Variants in SCNN1B observed in about 807,000 individuals in gnomAD.
SCNN1B encodes epithelial sodium channel subunit beta.
Under a neutral mutation model 65.3 loss-of-function variants are expected in SCNN1B, and 46 were observed. The ratio of observed to expected loss-of-function variants is 0.70; its 90% confidence interval spans 0.56 to 0.90. The LOEUF (loss-of-function observed/expected upper bound fraction) is 0.90. SCNN1B is among the 40% of genes least tolerant of loss of function. The pLI is 0.00. For missense variants in SCNN1B, 751 were observed against 830.5 expected (o/e 0.90, Z 1.18); for synonymous variants, 349 against 330.6 (o/e 1.06, Z -0.60).
At chr16:23,378,248 G>A (rs564551510) in intron 10 of SCNN1B, among the ~76,000 whole-genome samples, 16 of 152,268 alleles carry the variant, frequency 1.1e-4, no homozygotes, top group African/African-American at 3.4e-4. Context: ...GGCCTTAAGC[G>A]ATCCTCCCAC....
At position 23,380,782 on chromosome 16, in the gene SCNN1B, G is replaced by A. The variant is rs13306629; in HGVS notation, c.1904G>A (p.Ser635Asn). ...CCGCTGGACGTCATCGAGTCTGACAGTGAGGGTGATGCCATCTAACCCTGC... is the reference window on the plus strand; with the variant it reads ...CCGCTGGACGTCATCGAGTCTGACAATGAGGGTGATGCCATCTAACCCTGC... The part of the protein sequence containing the change: ...LQPLDVIESD[S>N]EGDAI Residue 635 changes from serine to asparagine, a missense_variant, in exon 13 of 13, where the codon AGT (serine) becomes AAT (asparagine). Transcript: ENST00000343070. The surrounding 1 kb of genome is among the most constrained non-coding windows in gnomAD (Gnocchi z 5.4). 87 of 1,612,376 alleles carry A rather than the reference G, an allele frequency of 5.4e-5. No individual in the cohort carries two copies. The East Asian group carries it at 6.7e-4, about 12-fold the overall frequency.
At chr16:23,293,250 T>G (rs1960952745) in intron 2 of SCNN1B, among the ~76,000 whole-genome samples, 1 of 150,180 alleles carries the variant, frequency 6.7e-6, no homozygotes, top group African/African-American at 2.5e-5. Flanking sequence ...CGCCAAAAAG[T>G]GGAAACAAAC....
At position 23,355,450 on chromosome 16, in the gene SCNN1B, T is replaced by C; in HGVS notation, c.737T>C (p.Ile246Thr). The change falls in exon 4 of 13, where the codon ATC becomes ACC. Residue 246 changes from isoleucine to threonine, a missense_variant. By Grantham distance (89) the Ile-to-Thr change is moderately conservative. Coordinates refer to ENST00000343070, the MANE Select transcript of SCNN1B (RefSeq NM_000336.3). ...ATGAGCTACCCCGGCGAGCAGATGA[T>C]CCTGGCCTGCCTATTCGGAGCTGAG... ...VEMSYPGEQMILACLFGAEPC... is the reference protein window; with the variant it reads ...VEMSYPGEQMTLACLFGAEPC... 1 of 1,614,150 alleles carries C rather than the reference T, an allele frequency of 6.2e-7. No individual in the cohort carries two copies.
intron 10 of SCNN1B, among the ~76,000 whole-genome samples, chr16:23,378,394 G>A (rs112654688): frequency 6.6e-6 from 1 of 152,228 alleles, no homozygotes. Flanking sequence ...GGCAGAGGCT[G>A]AGCCATCATG....
rs575396832 is a variant in SCNN1B at position 23,295,763 on chromosome 16, A to G, written n.178+11959A>G. Among the ~76,000 whole-genome samples the G allele has an allele frequency of 3.3e-5, 5 of 152,298 alleles. No individual in the cohort carries two copies. The South Asian group carries it at 8.3e-4, about 25-fold the overall frequency. The stretch of plus-strand genomic sequence containing the variant: ...TGCACGTTTAGGAAGTTCTTAGGGT[A>G]GTACAGTGTTAGAGCCTTTTAAAGT... On this transcript the variant is annotated intron_variant and non_coding_transcript_variant, in intron 2 of 3. Coordinates refer to the SCNN1B transcript ENST00000569789.
intron 1 of SCNN1B, among the ~76,000 whole-genome samples, chr16:23,303,603 GAAAATATGT>G (rs1961130593): frequency 6.6e-6 from 1 of 152,186 alleles, no homozygotes; most frequent in African/African-American, 2.4e-5. Context: ...CAGAGCCATA[GAAAATATGT>G]AAAATACTTA....
chr16:23,301,359 C>CGAAA (rs1961078073), upstream of SCNN1B, among the ~76,000 whole-genome samples: 1 of 120,414 alleles, frequency 8.3e-6, no homozygotes, highest in African/African-American at 3.7e-5. Flanking sequence ...GAGACTCTGT[C>CGAAA]AAAAAAAAAA....
At chr16:23,316,668 C>T (rs1029178373) in intron 1 of SCNN1B, among the ~76,000 whole-genome samples, 1 of 149,368 alleles carries the variant, frequency 6.7e-6, no homozygotes, top group African/African-American at 2.5e-5. Context: ...ACCATCCTCA[C>T]CATCATCACC....
In SCNN1B at chr16:23,289,694, G is replaced by A. The variant is rs1011885798; in HGVS notation, n.178+5890G>A. Reference sequence around the variant, plus strand: ...TTAACTTTTTTTTTTTTTTTTTTTTGAGGCAGAGTCTCACTCTGTCACTTA... The same window carrying A: ...TTAACTTTTTTTTTTTTTTTTTTTTAAGGCAGAGTCTCACTCTGTCACTTA... On this transcript the variant is annotated intron_variant and non_coding_transcript_variant, in intron 2 of 3. Transcript: ENST00000569789. 9.0e-3 allele frequency among the ~76,000 whole-genome samples: 361 copies of A among 40,136 alleles called. 2 individuals carry two copies. The highest frequency in any genetic ancestry group is 0.037 in the African/African-American group (352 of 9,582). The allele number at this position is 40,136 out of a possible 152,430, so 26.3% of individuals were successfully genotyped here.
At chr16:23,364,934 T>C (rs375204916) in intron 4 of SCNN1B, among the ~76,000 whole-genome samples, 31 of 152,278 alleles carry the variant, frequency 2.0e-4, no homozygotes, top group African/African-American at 7.5e-4. Flanking sequence ...GAGACCAGCC[T>C]GGCCAACATG....
At chr16:23,314,553 C>T (rs1961410714) in intron 1 of SCNN1B, among the ~76,000 whole-genome samples, 1 of 152,156 alleles carries the variant, frequency 6.6e-6, no homozygotes, top group Admixed American at 6.5e-5. Context: ...GTAGATCCCA[C>T]TCTGTTCACC....
chr16:23,294,612 A>G (rs1042826689), intron 2 of SCNN1B, among the ~76,000 whole-genome samples: 1 of 151,992 alleles, frequency 6.6e-6, no homozygotes, highest in African/African-American at 2.4e-5. Flanking sequence ...CTGCCTGTAC[A>G]TTCTTCTTCC....
intron 2 of SCNN1B, among the ~76,000 whole-genome samples, chr16:23,287,029 A>T (rs1960860647): frequency 7.0e-6 from 1 of 142,614 alleles, no homozygotes. Context: ...TTTGAGACAG[A>T]GTTTTGCTCT....
At chr16:23,315,112 G>A (rs750677582) in intron 1 of SCNN1B, among the ~76,000 whole-genome samples, 15 of 152,192 alleles carry the variant, frequency 9.9e-5, no homozygotes, top group East Asian at 1.9e-4. Context: ...CAAGGCGGGC[G>A]GATCACCTGA....
intron 7 of SCNN1B, among the ~76,000 whole-genome samples, chr16:23,374,945 G>A (rs1308399933): frequency 2.0e-5 from 3 of 152,236 alleles, no homozygotes; most frequent in African/African-American, 7.2e-5. Flanking sequence ...ACCTGATGTG[G>A]CCCTGAATCC....
intron 1 of SCNN1B, chr16:23,303,909 A>C: frequency 1.4e-6 from 1 of 705,042 alleles, no homozygotes. Context: ...AAAGAGCAAG[A>C]CTCTGTTTCA....
chr16:23,352,812 T>C lies in SCNN1B; in HGVS notation c.323T>C (p.Ile108Thr). The change falls in exon 3 of 13, where the codon ATC becomes ACC. Residue 108 changes from isoleucine to threonine, a missense_variant. By Grantham distance (89) the Ile-to-Thr change is moderately conservative (BLOSUM62 -1). Transcript: ENST00000343070. ...CNASPFKYSK[I>T]KHLLKDLDEL... The stretch of plus-strand genomic sequence containing the variant: ...CTCTCCCCATCCAGGTATTCCAAAA[T>C]CAAGCATTTGCTGAAGGACCTGGAT... 6.2e-7 allele frequency: 1 copy of C among 1,614,074 alleles called. No homozygotes were observed. Among genetic ancestry groups the C allele is most frequent in the South Asian group, 1.1e-5 (1 of 91,074 alleles).
chr16:23,376,038 C>CCTT, intron 8 of SCNN1B, among the ~76,000 whole-genome samples, 183 bp downstream of exon 8: 1 of 152,352 alleles, frequency 6.6e-6, no homozygotes, highest in East Asian at 1.9e-4. Flanking sequence ...AGGAGCCCAG[C>CCTT]CTTCTCTCTG....
intron 1 of SCNN1B, among the ~76,000 whole-genome samples, chr16:23,343,672 A>AAG (rs1962127816): frequency 1.5e-5 from 2 of 132,648 alleles, no homozygotes; most frequent in African/African-American, 2.9e-5. Flanking sequence ...AGGAAGGAAG[A>AAG]AAAAAAAAAG....
Sources: gnomAD v4.1 joint callset for allele counts (sites outside exome capture counted in the v4.1 genomes callset) on GRCh38, gnomAD v4.1.1 for gene constraint, Gnocchi (gnomAD v3.1) non-coding constraint, MANE v1.5 for transcripts, NCBI Gene and HGNC (gene_info 2026-07-23, HGNC 2026-07-21) for gene names.